Variants in DLG1 observed in about 807,000 individuals in gnomAD.
DLG1 encodes the protein discs large MAGUK scaffold protein 1.
In DLG1, 42 loss-of-function variants were observed where a neutral mutation model predicts 123.4. The ratio of observed to expected loss-of-function variants is 0.34; its 90% confidence interval spans 0.27 to 0.44. The LOEUF (loss-of-function observed/expected upper bound fraction) is 0.44, where lower values mean the gene tolerates loss of function less well. Among genes scored for constraint, DLG1 ranks in the 20% least tolerant of loss-of-function variants. The probability of loss-of-function intolerance (pLI) is 1.00; values close to 1 mark genes in which losing one functional copy is unlikely to be tolerated. For missense variants in DLG1, 942 were observed against 1,082.6 expected (o/e 0.87, Z 1.82); for synonymous variants, 317 against 356.2 (o/e 0.89, Z 1.24).
intron 6 of DLG1, 48 bp from the exon 7 acceptor site, chr3:197,142,816 C>T (rs541289164): frequency 1.3e-6 from 2 of 1,541,810 alleles, no homozygotes; most frequent in Non-Finnish European, 1.8e-6. Context: ...GTGTAAAATC[C>T]AAAATGGCAA....
chr3:197,050,292 G>A lies in DLG1; in HGVS notation c.2575+1285C>T, dbSNP rs563782396. ...TGAGGCAGGAGAATGGCGTGAACAC[G>A]GAAGGCGGAGGTTGCAGTGAGCCGA... On this transcript the variant is annotated intron_variant, in intron 24 of 24. Transcript: ENST00000667157. Among the ~76,000 whole-genome samples the A allele has an allele frequency of 2.9e-4, 44 of 151,554 alleles. 1 individual carries two copies. The highest frequency in any genetic ancestry group is 7.0e-4 in the African/African-American group (29 of 41,298).
At chr3:197,084,940 C>T (rs1024924127) in intron 16 of DLG1, among the ~76,000 whole-genome samples, 1 of 151,542 alleles carries the variant, frequency 6.6e-6, no homozygotes. Flanking sequence ...GCGTGTGCCT[C>T]CATGCCCAGG....
At chr3:197,118,777 C>T (rs1233834613) in intron 12 of DLG1, among the ~76,000 whole-genome samples, 1 of 152,062 alleles carries the variant, frequency 6.6e-6, no homozygotes, top group Non-Finnish European at 1.5e-5. Context: ...CATTTCAGTG[C>T]AGGTAGTAAT....
chr3:197,124,186 G>A (rs1202120554), intron 11 of DLG1, among the ~76,000 whole-genome samples: 5 of 152,200 alleles, frequency 3.3e-5, no homozygotes. Context: ...AACTATCATC[G>A]TGTCACTCCA....
chr3:197,297,299 C>A, intron 1 of DLG1, 64 bp from the exon 2 acceptor site: 3 of 1,587,346 alleles, frequency 1.9e-6, no homozygotes, highest in Non-Finnish European at 2.6e-6. Flanking sequence ...TTTCCCCTAT[C>A]GAAATAGAAA....
intron 11 of DLG1, among the ~76,000 whole-genome samples, chr3:197,120,952 T>C (rs1394635233): frequency 2.6e-5 from 4 of 152,208 alleles, no homozygotes; most frequent in Admixed American, 2.0e-4. Context: ...AATTGGTATG[T>C]AGCCCTCAAT....
intron 23 of DLG1, among the ~76,000 whole-genome samples, chr3:197,052,332 G>T (rs1728425942): frequency 6.6e-6 from 1 of 151,992 alleles, no homozygotes; most frequent in Non-Finnish European, 1.5e-5. Flanking sequence ...GCGCATGCCT[G>T]TAATCCTAGC....
intron 17 of DLG1, 54 bp downstream of exon 17, chr3:197,080,997 T>G: frequency 6.6e-7 from 1 of 1,513,434 alleles, no homozygotes; most frequent in East Asian, 2.3e-5. Context: ...CTTTTCATTT[T>G]AACAATGTAG....
At chr3:197,186,183 C>CTA (rs1715864400) in intron 5 of DLG1, among the ~76,000 whole-genome samples, 2 of 152,158 alleles carry the variant, frequency 1.3e-5, no homozygotes. Context: ...CACAAAAAAT[C>CTA]TATACCTAAA....
chr3:197,252,787 G>C (rs1755077184), intron 4 of DLG1, among the ~76,000 whole-genome samples: 1 of 152,154 alleles, frequency 6.6e-6, no homozygotes, highest in Non-Finnish European at 1.5e-5. Context: ...GATGAATAGT[G>C]GTAGTGGCTG....
At chr3:197,264,351 C>G (rs1433985726) in intron 4 of DLG1, among the ~76,000 whole-genome samples, 2 of 152,174 alleles carry the variant, frequency 1.3e-5, no homozygotes, top group African/African-American at 4.8e-5. Flanking sequence ...AATCCAAATG[C>G]TCCAAAATCC....
chr3:197,255,005 G>A (rs970327791), intron 4 of DLG1, among the ~76,000 whole-genome samples: 2 of 151,934 alleles, frequency 1.3e-5, no homozygotes, highest in Non-Finnish European at 2.9e-5. Context: ...GCAGTGAGCC[G>A]AGATCACGCT....
At chr3:197,081,172 A>C in intron 16 of DLG1, 55 bp from the exon 17 acceptor site, 1 of 1,498,044 alleles carries the variant, frequency 6.7e-7, no homozygotes, top group Non-Finnish European at 9.2e-7. Flanking sequence ...CTGGGGTCTT[A>C]CTAGAAATAA....
intron 14 of DLG1, among the ~76,000 whole-genome samples, chr3:197,091,521 TAAACA>T (rs1297308619): frequency 6.6e-6 from 1 of 152,010 alleles, no homozygotes; most frequent in Non-Finnish European, 1.5e-5. Flanking sequence ...AAATATGCCT[TAAACA>T]AGTGATAAAC....
At chr3:197,094,994 C>A (rs1327426278) in intron 14 of DLG1, among the ~76,000 whole-genome samples, 1 of 152,020 alleles carries the variant, frequency 6.6e-6, no homozygotes, top group Non-Finnish European at 1.5e-5. Context: ...GAAAAGATTT[C>A]TTGTCTATGC....
chr3:197,254,559 A>G (rs757336000), intron 4 of DLG1, among the ~76,000 whole-genome samples: 6 of 152,246 alleles, frequency 3.9e-5, no homozygotes, highest in Non-Finnish European at 8.8e-5. Flanking sequence ...AAAACAATCA[A>G]AAGAAAACCC....
At chr3:197,153,546 CA>C (rs1271227006) in intron 5 of DLG1, among the ~76,000 whole-genome samples, 1 of 152,206 alleles carries the variant, frequency 6.6e-6, no homozygotes, top group African/African-American at 2.4e-5. Flanking sequence ...CACAAAGGTG[CA>C]AACAGGCCCT....
intron 5 of DLG1, among the ~76,000 whole-genome samples, chr3:197,186,546 G>A (rs1043341245): frequency 2.0e-5 from 3 of 152,056 alleles, no homozygotes; most frequent in African/African-American, 4.8e-5. Context: ...AACTAAATAC[G>A]ATTAGTTCAG....
chr3:197,074,789 G>A (rs9836945), intron 18 of DLG1, among the ~76,000 whole-genome samples: 43,370 of 151,842 alleles, frequency 0.29, 6,999 homozygotes, highest in African/African-American at 0.42. Context: ...AAATCACTAT[G>A]GTTGAAATAA....
Sources: gnomAD v4.1 joint callset for allele counts (sites outside exome capture counted in the v4.1 genomes callset) on GRCh38, gnomAD v4.1.1 for gene constraint, MANE v1.5 for transcripts, NCBI Gene and HGNC (gene_info 2026-07-23, HGNC 2026-07-21) for gene names.